Variants in BYSL observed in about 807,000 individuals in gnomAD.
BYSL encodes the protein bystin.
In BYSL, 21 loss-of-function variants were observed where a neutral mutation model predicts 45.4. The ratio of observed to expected loss-of-function variants is 0.46; its 90% CI spans 0.33 to 0.67. BYSL has a LOEUF of 0.67. Ranked by LOEUF, BYSL falls within the 30% of genes least tolerant of loss-of-function variation. The pLI, the probability that BYSL is intolerant of heterozygous loss-of-function variation, is 0.02. For synonymous variants in BYSL, 215 were observed against 231.3 expected, an observed-to-expected ratio of 0.93 and a Z score of 0.64; for missense variants, 522 against 578.5, an observed-to-expected ratio of 0.90 and a Z score of 1.00.
intron 3 of BYSL, 180 bp from the exon 4 acceptor site, chr6:41,930,455 G>T: frequency 8.3e-7 from 1 of 1,211,604 alleles, no homozygotes; most frequent in Non-Finnish European, 1.1e-6. Context: ...GGCATCCTTG[G>T]GTCGGTTACT....
At chr6:41,923,553 C>T (rs1023868394) in intron 1 of BYSL, among the ~76,000 whole-genome samples, 1 of 152,136 alleles carries the variant, frequency 6.6e-6, no homozygotes, top group African/African-American at 2.4e-5. Flanking sequence ...ACCTCTGCCT[C>T]CCAAAATGCT....
In BYSL at chr6:41,931,779, T is replaced by A; in HGVS notation, c.917T>A (p.Ile306Asn). ...GGCACTTGTACCCTCCGGGAAGCCA[T>A]CATTGTGGGTAGCATCATCACCAAG... ...ESGTCTLREA[I>N]IVGSIITKCS... The change falls in exon 6 of 7, where the codon ATC becomes AAC. Residue 306 changes from isoleucine (I) to asparagine (N), a missense_variant. By Grantham distance (149) the Ile-to-Asn change is moderately radical (BLOSUM62 -3). Coordinates refer to ENST00000230340, the MANE Select transcript of BYSL (RefSeq NM_004053.4). 5 of 1,614,086 alleles carry A rather than the reference T, an allele frequency of 3.1e-6. No individual in the cohort carries two copies. The highest frequency in any genetic ancestry group is 4.2e-6 in the Non-Finnish European group (5 of 1,180,010).
upstream of BYSL, chr6:41,917,039 G>T (rs1290300284): frequency 1.6e-6 from 2 of 1,275,336 alleles, no homozygotes; most frequent in African/African-American, 1.5e-5. Context: ...AGGGCCAAAA[G>T]TTATCTTGGA....
Position 41,930,707 on chromosome 6 carries a change from C to A in BYSL, c.643C>A (p.Gln215Lys). Residue 215 changes from glutamine to lysine, a missense_variant, in exon 4 of 7, where the codon CAA becomes AAA. Coordinates refer to ENST00000230340, the MANE Select transcript of BYSL (RefSeq NM_004053.4). ...KIIPALSNWEQILYVTEPEAW... is the reference protein window; with the variant it reads ...KIIPALSNWEKILYVTEPEAW... ...CATCCCTGCACTCTCCAACTGGGAG[C>A]AAATCCTCTACGTCACAGAGCCGGA... The A allele has an allele frequency of 6.2e-7, 1 of 1,614,122 alleles. No homozygotes were observed. The highest frequency in any genetic ancestry group is 8.5e-7 in the Non-Finnish European group (1 of 1,179,982).
At chr6:41,921,886 G>C (rs1353184310) in intron 1 of BYSL, 56 bp downstream of exon 1, 2 of 1,544,162 alleles carry the variant, frequency 1.3e-6, no homozygotes, top group Admixed American at 2.0e-5. Context: ...GGGCGGGGTG[G>C]GCAGCTAAAA....
In BYSL at chr6:41,932,608, C is replaced by T. The variant is rs374880622; in HGVS notation, c.1216C>T (p.Arg406Trp). The change falls in exon 7 of 7, where the codon CGG becomes TGG. Residue 406 changes from arginine to tryptophan, a missense_variant. Coordinates refer to ENST00000230340, the MANE Select transcript of BYSL (RefSeq NM_004053.4). This position sits in a 1 kb window ranked among gnomAD's most constrained non-coding sequence, Gnocchi z 4.7. ...GAAAGAGGCCCTCTTAGAACTGCTCCGGCTGCAGCCCCATCCACAGCTATC... is the reference window on the plus strand; with the variant it reads ...GAAAGAGGCCCTCTTAGAACTGCTCTGGCTGCAGCCCCATCCACAGCTATC... ...DQKEALLELL[R>W]LQPHPQLSPE... 2.2e-5 allele frequency: 35 copies of T among 1,614,092 alleles called. No homozygotes were observed. The African/African-American group carries it at 2.5e-4, about 12-fold the overall frequency.
chr6:41,927,725 A>C, intron 2 of BYSL, 189 bp downstream of exon 2: 1 of 629,436 alleles, frequency 1.6e-6, no homozygotes, highest in South Asian at 2.0e-5. Context: ...GCCTCAAAAA[A>C]CATTGTGTCC....
At chr6:41,909,803 A>C in the BYSL span, among the ~76,000 whole-genome samples, 1 of 152,224 alleles carries the variant, frequency 6.6e-6, no homozygotes, top group Non-Finnish European at 1.5e-5. Flanking sequence ...TTAATTCTTA[A>C]GTTGAGTGGT....
intron 1 of BYSL, among the ~76,000 whole-genome samples, chr6:41,923,711 A>G (rs1198449380): frequency 6.6e-6 from 1 of 152,190 alleles, no homozygotes; most frequent in Non-Finnish European, 1.5e-5. Flanking sequence ...CTGGGATTAC[A>G]GGTGTGAGCT....
chr6:41,909,516 G>A, the BYSL span: 3 of 1,614,094 alleles, frequency 1.9e-6, no homozygotes, highest in Non-Finnish European at 2.5e-6. Context: ...CAGCTTCCCG[G>A]TCTGACCTGC....
chr6:41,932,954 C>T lies in BYSL; in HGVS notation c.*248C>T. ...ACTTGAGATACCATATGCTAGCATT[C>T]CCAGTCCCCAGCTGGGGCTTGGTGT... On this transcript the variant is annotated 3_prime_UTR_variant, in exon 7 of 7. Transcript: ENST00000230340. This position sits in a 1 kb window ranked among gnomAD's most constrained non-coding sequence, Gnocchi z 4.7. The T allele has an allele frequency of 4.0e-6, 2 of 496,662 alleles. No homozygotes were observed. The highest frequency in any genetic ancestry group is 3.3e-5 in the East Asian group (1 of 29,960). The allele number at this position is 496,662 out of a possible 1,614,324, so 30.8% of individuals were successfully genotyped here.
chr6:41,922,356 T>C (rs961575120), intron 1 of BYSL, among the ~76,000 whole-genome samples: 2 of 152,188 alleles, frequency 1.3e-5, no homozygotes, highest in Admixed American at 6.5e-5. Context: ...TGGGAAGTGT[T>C]ATGAGCAGAA....
At chr6:41,908,985 T>G in the BYSL span, 1 of 441,128 alleles carries the variant, frequency 2.3e-6, no homozygotes. Context: ...GAGTCTGAGA[T>G]CAGCCTGGGC....
chr6:41,929,996 T>G, intron 2 of BYSL, 136 bp from the exon 3 acceptor site: 1 of 1,175,988 alleles, frequency 8.5e-7, no homozygotes, highest in Non-Finnish European at 1.2e-6. Context: ...GAGAGAGAAC[T>G]CTAAGCTGCA....
rs1446088193 is a variant in BYSL, at chr6:41,927,479, T to C, written c.374T>C (p.Val125Ala). 2 of 1,614,126 alleles carry C rather than the reference T, an allele frequency of 1.2e-6. No individual in the cohort carries two copies. The highest frequency in any genetic ancestry group is 2.2e-5 in the South Asian group (2 of 91,076). ...TAAGHHAEVV[V>A]DPEDERAIEM... is the part of the protein sequence containing the mutation. ...GCGGGCCATCATGCAGAGGTGGTTG[T>C]GGACCCTGAGGATGAGCGTGCCATA... Residue 125 changes from valine (V) to alanine (A), a missense_variant, in exon 2 of 7, where the codon GTG (valine) becomes GCG (alanine). Val to Ala is a moderately conservative substitution (Grantham distance 64). Transcript: ENST00000230340.
At chr6:41,916,822 C>G (rs1418697912), upstream of BYSL, 2 of 1,613,996 alleles carry the variant, frequency 1.2e-6, no homozygotes, top group Non-Finnish European at 1.7e-6. Flanking sequence ...TATGGTAAGT[C>G]TCACAGTCCA....
chr6:41,931,570 G>A lies in BYSL; in HGVS notation c.865+14G>A. On this transcript the variant is annotated intron_variant, in intron 5 of 6. Coordinates refer to ENST00000230340, the MANE Select transcript of BYSL (RefSeq NM_004053.4). Reference sequence around the variant, plus strand: ...CCTGGTTCAAAGGTGGGATCCCAGAGGCACGGAAGAAAGGGAAGGGCTGGA... The same window carrying A: ...CCTGGTTCAAAGGTGGGATCCCAGAAGCACGGAAGAAAGGGAAGGGCTGGA... 2 of 1,614,160 alleles carry A rather than the reference G, an allele frequency of 1.2e-6. No homozygotes were observed. The highest frequency in any genetic ancestry group is 2.2e-5 in the South Asian group (2 of 91,082).
the BYSL span, among the ~76,000 whole-genome samples, chr6:41,916,275 A>G: frequency 6.6e-6 from 1 of 151,580 alleles, no homozygotes; most frequent in Non-Finnish European, 1.5e-5. Flanking sequence ...AATAAAATAA[A>G]ATAAAATAAA....
intron 2 of BYSL, 40 bp downstream of exon 2, chr6:41,927,576 G>A (rs1775582164): frequency 6.2e-7 from 1 of 1,601,690 alleles, no homozygotes; most frequent in Non-Finnish European, 8.5e-7. Flanking sequence ...CTTGTAGAAA[G>A]TTCCCACAGG....
Sources: allele counts gnomAD v4.1 joint callset (sites outside exome capture counted in the v4.1 genomes callset), GRCh38; gene constraint gnomAD v4.1.1; non-coding constraint Gnocchi (gnomAD v3.1); transcripts MANE v1.5; gene names NCBI Gene and HGNC (gene_info 2026-07-23, HGNC 2026-07-21).